The following MINDY4 variants were observed in gnomAD, a reference collection of about 807,000 sequenced individuals.
The protein encoded by MINDY4 is MINDY lysine 48 deubiquitinase 4.
A neutral mutation model predicts 87.0 loss-of-function variants in MINDY4; 68 were observed. That is an observed-to-expected ratio of 0.78 (90% CI 0.64 to 0.96). The LOEUF (loss-of-function observed/expected upper bound fraction) is 0.96, where lower values mean the gene tolerates loss of function less well. MINDY4 is among the 40% of genes least tolerant of loss of function. MINDY4 has a pLI of 0.00. For synonymous variants in MINDY4, 379 were observed against 363.2 expected (o/e 1.04, Z -0.50); for missense variants, 919 against 928.2 (o/e 0.99, Z 0.13).
chr7:30,802,613 G>T (rs919690970), intron 5 of MINDY4, among the ~76,000 whole-genome samples: 5 of 152,188 alleles, frequency 3.3e-5, no homozygotes. Context: ...GGAAGGGAAA[G>T]TTATGCTAAT....
At chr7:30,821,859 T>C (rs957154379) in intron 5 of MINDY4, among the ~76,000 whole-genome samples, 1 of 152,230 alleles carries the variant, frequency 6.6e-6, no homozygotes, top group African/African-American at 2.4e-5. Context: ...CAAAATATTT[T>C]TCCAAATTTT....
intron 5 of MINDY4, among the ~76,000 whole-genome samples, chr7:30,817,288 T>C (rs927409571): frequency 2.0e-5 from 3 of 149,016 alleles, no homozygotes; most frequent in Non-Finnish European, 4.4e-5. Flanking sequence ...GCTGAGGAGC[T>C]ACAGGAAACC....
rs536189237 is a variant in MINDY4 at position 30,791,563 on chromosome 7, C to T, written c.1062C>T (p.Pro354=). The part of the protein sequence containing the change: ...ERAFKRQGSQ[P]APVRKNQLLP... Reference sequence around the variant, plus strand: ...CGTTCAAACGGCAGGGCAGCCAGCCCGCACCTGTCAGGTGAGTGTGCTATG... The same window carrying T: ...CGTTCAAACGGCAGGGCAGCCAGCCTGCACCTGTCAGGTGAGTGTGCTATG... The change falls in exon 5 of 18, where the codon CCC becomes CCT. Residue 354 remains proline (P), a synonymous_variant. Coordinates refer to ENST00000265299, the MANE Select transcript of MINDY4 (RefSeq NM_032222.3). The T allele has an allele frequency of 1.7e-5, 28 of 1,611,058 alleles. No homozygotes were observed. The highest frequency in any genetic ancestry group is 7.7e-5 in the South Asian group (7 of 90,408).
chr7:30,793,723 G>A (rs1012735450), intron 5 of MINDY4, among the ~76,000 whole-genome samples: 5 of 152,126 alleles, frequency 3.3e-5, no homozygotes, highest in South Asian at 2.1e-4. Context: ...GGGGCTGCCC[G>A]TGGAAGAGCA....
Position 30,781,970 on chromosome 7 carries a change from AT to A in MINDY4, c.184-6del, listed in dbSNP as rs754219328. ...ATTAATGATTTTTTTTTCTCTCCCAATGATAGGCAAAGGAAAATCCTCTAAA... is the reference window on the plus strand; with the variant it reads ...ATTAATGATTTTTTTTTCTCTCCCAAGATAGGCAAAGGAAAATCCTCTAAA... On this transcript the variant is annotated splice_region_variant and splice_polypyrimidine_tract_variant and intron_variant, in intron 2 of 17. Transcript: ENST00000265299. The A allele has an allele frequency of 5.6e-6, 9 of 1,604,012 alleles. No homozygotes were observed. In the African/African-American group the frequency reaches 1.2e-4, roughly 22 times the overall value.
chr7:30,850,644 C>A, intron 10 of MINDY4, 89 bp downstream of exon 10: 1 of 1,144,046 alleles, frequency 8.7e-7, no homozygotes. Flanking sequence ...ATCCTTGGGT[C>A]CTTCCGTTAC....
At chr7:30,837,099 G>A (rs528558927) in intron 7 of MINDY4, among the ~76,000 whole-genome samples, 5 of 152,300 alleles carry the variant, frequency 3.3e-5, no homozygotes, top group South Asian at 4.2e-4. Context: ...TTAGAGCAGC[G>A]CTGCTCCTGT....
At chr7:30,791,082 C>A in intron 4 of MINDY4, 83 bp from the exon 5 acceptor site, 1 of 1,319,408 alleles carries the variant, frequency 7.6e-7, no homozygotes, top group East Asian at 2.3e-5. Flanking sequence ...GACATCACAT[C>A]ATGGGCAAAT....
chr7:30,849,069 A>G (rs1789317636), intron 9 of MINDY4, among the ~76,000 whole-genome samples: 1 of 152,122 alleles, frequency 6.6e-6, no homozygotes, highest in South Asian at 2.1e-4. Context: ...GTCACCTTTT[A>G]AAGTAATTGG....
intron 12 of MINDY4, among the ~76,000 whole-genome samples, chr7:30,854,806 A>G (rs1297726904): frequency 6.6e-6 from 1 of 152,190 alleles, no homozygotes; most frequent in Non-Finnish European, 1.5e-5. Context: ...TGGGTAGGCA[A>G]TGGGGCCTAC....
intron 5 of MINDY4, among the ~76,000 whole-genome samples, chr7:30,826,431 G>A (rs1412815622): frequency 3.3e-5 from 5 of 152,172 alleles, no homozygotes; most frequent in Admixed American, 3.3e-4. Flanking sequence ...TTCCACTTGG[G>A]CTTTAGAGGA....
At chr7:30,874,352 A>G (rs1224283677) in intron 14 of MINDY4, among the ~76,000 whole-genome samples, 1 of 152,240 alleles carries the variant, frequency 6.6e-6, no homozygotes, top group Non-Finnish European at 1.5e-5. Flanking sequence ...CATGGGACAG[A>G]GAGAACCAGA....
chr7:30,865,378 G>A (rs1054308008), intron 13 of MINDY4, among the ~76,000 whole-genome samples: 1 of 152,244 alleles, frequency 6.6e-6, no homozygotes, highest in Non-Finnish European at 1.5e-5. Flanking sequence ...AAGATTTTCA[G>A]CAATGTCTCA....
intron 5 of MINDY4, among the ~76,000 whole-genome samples, chr7:30,809,586 A>C (rs965422241): frequency 6.6e-6 from 1 of 152,114 alleles, no homozygotes; most frequent in Non-Finnish European, 1.5e-5. Context: ...TTCTAAGTTA[A>C]TTTGGACAAA....
rs372194663 is a variant in MINDY4 at position 30,882,952 on chromosome 7, C to G, written c.2184C>G (p.Asp728Glu). The G allele has an allele frequency of 6.2e-7, 1 of 1,614,120 alleles. No individual in the cohort carries two copies. The highest frequency in any genetic ancestry group is 2.2e-5 in the East Asian group (1 of 44,862). ...CCCAAACCATCTCTGAGGACACAGA[C>G]AACGACCTTGTCCCACCCCTCGAGC... ...DTTQTISEDT[D>E]NDLVPPLELC... Residue 728 changes from aspartate (D) to glutamate (E), a missense_variant, in exon 17 of 18, where the codon GAC becomes GAG. Coordinates refer to ENST00000265299, the MANE Select transcript of MINDY4 (RefSeq NM_032222.3).
rs117785282 is a variant in MINDY4 at position 30,835,071 on chromosome 7, G to A, written c.1133-1587G>A. On this transcript the variant is annotated intron_variant, in intron 6 of 17. Transcript: ENST00000265299. ...GTTTCAAAGTCACTTCCACATTTTC[G>A]GATATCTTTTCAGCAGCGCCCCACT... Among the ~76,000 whole-genome samples the A allele has an allele frequency of 1.8e-3, 268 of 152,220 alleles. 6 individuals carry two copies. The East Asian group carries it at 0.042, about 24-fold the overall frequency.
intron 13 of MINDY4, among the ~76,000 whole-genome samples, chr7:30,871,430 G>A (rs914366213): frequency 3.9e-5 from 6 of 152,194 alleles, no homozygotes; most frequent in African/African-American, 1.4e-4. Flanking sequence ...CTAATGGCAG[G>A]CTTCCTAGCA....
intron 4 of MINDY4, among the ~76,000 whole-genome samples, chr7:30,789,823 A>G (rs549479701): frequency 6.6e-6 from 1 of 152,342 alleles, no homozygotes; most frequent in East Asian, 1.9e-4. Flanking sequence ...CCACCCTCCC[A>G]TTAATAACAA....
In MINDY4 at chr7:30,875,498, C is replaced by T. The variant is rs780680327; in HGVS notation, c.1813C>T (p.Leu605Phe). ...TTCCCCTTTCTCTCATCTGCAGGAA[C>T]TTGTCAATCTGCTCCTGACTGGGAA... ...IGAHGYCTQE[L>F]VNLLLTGKAV... Residue 605 changes from leucine to phenylalanine, a missense_variant, in exon 15 of 18, where the codon CTT becomes TTT. Leu to Phe is a conservative substitution (Grantham distance 22). Transcript: ENST00000265299. 1 of 1,614,222 alleles carries T rather than the reference C, an allele frequency of 6.2e-7. No homozygotes were observed. Among genetic ancestry groups the T allele is most frequent in the East Asian group, 2.2e-5 (1 of 44,890 alleles).
Sources: allele counts gnomAD v4.1 joint callset (sites outside exome capture counted in the v4.1 genomes callset), GRCh38; gene constraint gnomAD v4.1.1; transcripts MANE v1.5; gene names NCBI Gene and HGNC (gene_info 2026-07-23, HGNC 2026-07-21).